AATF: variants seen among roughly 807,000 people sequenced by gnomAD.
The protein encoded by AATF is apoptosis antagonizing transcription factor.
In AATF, 48 loss-of-function variants were observed where a neutral mutation model predicts 63.7. The observed-to-expected ratio is 0.75, with a 90% CI of 0.60 to 0.96. AATF has a LOEUF of 0.96. Ranked by LOEUF, AATF falls within the 40% of genes least tolerant of loss-of-function variation. The pLI is 0.00. For synonymous variants in AATF, 258 were observed against 247.7 expected (o/e 1.04, Z -0.39); for missense variants, 639 against 685.7 (o/e 0.93, Z 0.76).
At chr17:36,967,733 T>C (rs1327006337) in intron 4 of AATF, among the ~76,000 whole-genome samples, 1 of 152,244 alleles carries the variant, frequency 6.6e-6, no homozygotes, top group Non-Finnish European at 1.5e-5. Context: ...TTCAGTTGTC[T>C]TAAAATACCT....
At chr17:37,019,666 T>C (rs1265093004) in intron 9 of AATF, among the ~76,000 whole-genome samples, 2 of 152,160 alleles carry the variant, frequency 1.3e-5, no homozygotes, top group Admixed American at 6.5e-5. Flanking sequence ...TACATTTAAA[T>C]AGCCATGAGC....
At chr17:37,021,064 G>A (rs534616970) in intron 10 of AATF, 50 bp downstream of exon 10, 12 of 1,315,138 alleles carry the variant, frequency 9.1e-6, no homozygotes, top group African/African-American at 3.0e-5. Flanking sequence ...TATGTATCTC[G>A]TCTCTTACAT....
rs1160362372 is a variant in AATF, at chr17:37,009,823, C to CAAAAAAAAAA, written c.1399-9164_1399-9155dup. ...TGGGCGACAGAGCGAGACTCCGTCT[C>CAAAAAAAAAA]AAAAAAAAAAAAAAAAAAAAAAAAA... On this transcript the variant is annotated intron_variant, in intron 8 of 11. Coordinates refer to ENST00000619387, the MANE Select transcript of AATF (RefSeq NM_012138.4). Among the ~76,000 whole-genome samples the CAAAAAAAAAA allele has an allele frequency of 5.6e-4, 16 of 28,800 alleles. 1 individual carries two copies. Among genetic ancestry groups the CAAAAAAAAAA allele is most frequent in the African/African-American group, 1.3e-3 (13 of 9,914 alleles). The allele number at this position is 28,800 out of a possible 152,430, so 18.9% of individuals were successfully genotyped here. A position where few individuals can be genotyped will look rare whatever the true frequency, so the allele number is the denominator to read the frequency against.
chr17:37,047,616 G>C (rs1167345056), intron 11 of AATF, among the ~76,000 whole-genome samples: 1 of 152,230 alleles, frequency 6.6e-6, no homozygotes, highest in Non-Finnish European at 1.5e-5. Flanking sequence ...CAGAGGCCGT[G>C]TGTCACCATG....
intron 10 of AATF, among the ~76,000 whole-genome samples, chr17:37,021,837 TAATAA>T: frequency 6.8e-6 from 1 of 147,168 alleles, no homozygotes; most frequent in Non-Finnish European, 1.5e-5. Context: ...ATAATAATAA[TAATAA>T]ATATAAAAAT....
chr17:37,051,697 G>GACACACACAC (rs59773430), intron 11 of AATF, among the ~76,000 whole-genome samples: 28 of 137,192 alleles, frequency 2.0e-4, no homozygotes, highest in South Asian at 9.3e-4. Flanking sequence ...CAGACAGACA[G>GACACACACAC]ACACACACAC....
At chr17:36,977,699 T>G (rs1443160462) in intron 4 of AATF, among the ~76,000 whole-genome samples, 1 of 152,216 alleles carries the variant, frequency 6.6e-6, no homozygotes, top group East Asian at 1.9e-4. Flanking sequence ...GCACTCTCCC[T>G]GAGTAACTAC....
At chr17:36,979,518 G>C (rs1016801505) in intron 4 of AATF, among the ~76,000 whole-genome samples, 8 of 152,058 alleles carry the variant, frequency 5.3e-5, no homozygotes, top group African/African-American at 1.4e-4. Context: ...TCTAGTTCTA[G>C]AGTTACTTTT....
At chr17:36,981,862 A>G (rs988648997) in intron 4 of AATF, among the ~76,000 whole-genome samples, 1 of 151,876 alleles carries the variant, frequency 6.6e-6, no homozygotes, top group Non-Finnish European at 1.5e-5. Flanking sequence ...GGTACACAAC[A>G]TATAACAAAA....
intron 4 of AATF, among the ~76,000 whole-genome samples, chr17:36,975,172 C>G (rs1471091647): frequency 6.6e-6 from 1 of 152,080 alleles, no homozygotes. Context: ...TACTTTGTGT[C>G]AATATAAACT....
rs753772861 is a variant in AATF, at chr17:36,953,133, G to A, written c.531G>A (p.Glu177=). ...GCAGTGAGGAGGAGGAAGACGAAGAGAGTGGCATGGAAGAAGGGGATGACG... is the reference window on the plus strand; with the variant it reads ...GCAGTGAGGAGGAGGAAGACGAAGAAAGTGGCATGGAAGAAGGGGATGACG... ...LGSSEEEEDE[E]SGMEEGDDAE... is the part of the protein sequence containing the mutation. Residue 177 remains glutamate, a synonymous_variant, in exon 3 of 12, where the codon GAG becomes GAA. Transcript: ENST00000619387. 3.7e-6 allele frequency: 6 copies of A among 1,614,200 alleles called. 1 individual carries two copies. The highest frequency in any genetic ancestry group is 1.7e-5 in the Admixed American group (1 of 60,020).
At chr17:36,969,647 T>C (rs2071023686) in intron 4 of AATF, among the ~76,000 whole-genome samples, 1 of 152,196 alleles carries the variant, frequency 6.6e-6, no homozygotes, top group South Asian at 2.1e-4. Context: ...ATTTGCTTTT[T>C]CAAAAACTGG....
At chr17:37,040,291 ATTTCTG>A (rs924300711) in intron 11 of AATF, among the ~76,000 whole-genome samples, 27 of 152,204 alleles carry the variant, frequency 1.8e-4, no homozygotes, top group African/African-American at 6.3e-4. Flanking sequence ...CTGAGATACC[ATTTCTG>A]TTTCTAAGTG....
intron 10 of AATF, among the ~76,000 whole-genome samples, chr17:37,029,605 G>A (rs577502514): frequency 4.7e-4 from 69 of 145,962 alleles, no homozygotes; most frequent in Admixed American, 1.3e-3. Flanking sequence ...TCTCTCTGTC[G>A]CCCAGGCTGG....
chr17:36,982,386 C>T (rs1019672764), intron 4 of AATF, among the ~76,000 whole-genome samples: 5 of 152,024 alleles, frequency 3.3e-5, no homozygotes, highest in Admixed American at 6.6e-5. Flanking sequence ...TGGACCCTTG[C>T]TCTGTTGCCC....
rs570981143 is a variant in AATF, at chr17:36,950,566, C to A, written c.283+161C>A. Among the ~76,000 whole-genome samples, 8 of 152,272 alleles carry A rather than the reference C, an allele frequency of 5.3e-5. No homozygotes were observed. The East Asian group carries it at 1.5e-3, about 29-fold the overall frequency. On this transcript the variant is annotated intron_variant, in intron 2 of 11. Transcript: ENST00000619387. ...CCAGGCTGGAGTGTGATGGCGCCAT[C>A]TCGGCTCACCGCAACCTCCACCTCT...
At chr17:36,980,374 C>G (rs1222685187) in intron 4 of AATF, 1 of 152,152 alleles carries the variant, frequency 6.6e-6, no homozygotes, top group Non-Finnish European at 1.5e-5. Context: ...AGGGAAAGAC[C>G]TTTGGAAATG....
chr17:36,977,575 C>T (rs1373163337), intron 4 of AATF, among the ~76,000 whole-genome samples: 1 of 151,672 alleles, frequency 6.6e-6, no homozygotes, highest in African/African-American at 2.4e-5. Flanking sequence ...TAATAAGTTT[C>T]CTTTCTTCAC....
rs1249798870 is a variant in AATF, at chr17:36,950,367, A to G, written c.245A>G (p.Asn82Ser). 1 of 1,614,088 alleles carries G rather than the reference A, an allele frequency of 6.2e-7. No homozygotes were observed. Among genetic ancestry groups the G allele is most frequent in the African/African-American group, 1.3e-5 (1 of 74,924 alleles). Residue 82 changes from asparagine (N) to serine (S), a missense_variant, in exon 2 of 12, where the codon AAT becomes AGT. Physicochemically the swap from Asn to Ser is conservative, Grantham distance 46 (BLOSUM62 1). Coordinates refer to ENST00000619387, the MANE Select transcript of AATF (RefSeq NM_012138.4). ...CGKTTSRKAW[N>S]EDHWEQTLPG... is the part of the protein sequence containing the mutation. ...AAAACCACCTCTAGAAAAGCATGGA[A>G]TGAAGACCATTGGGAGCAGACTCTG...
Sources: allele counts gnomAD v4.1 joint callset (sites outside exome capture counted in the v4.1 genomes callset), GRCh38; gene constraint gnomAD v4.1.1; transcripts MANE v1.5; gene names NCBI Gene and HGNC (gene_info 2026-07-23, HGNC 2026-07-21).